The following CHRM3 variants were observed in gnomAD, a reference collection of about 807,000 sequenced individuals.
CHRM3 encodes the protein muscarinic acetylcholine receptor M3.
CHRM3 carries 11 observed loss-of-function variants against 41.8 expected under a neutral mutation model. The ratio of observed to expected loss-of-function variants is 0.26; its 90% CI spans 0.17 to 0.44. CHRM3 has a LOEUF of 0.44. CHRM3 is among the 20% of genes least tolerant of loss of function. CHRM3 has a pLI of 1.00. For synonymous variants in CHRM3, 297 were observed against 301.4 expected (o/e 0.99, Z 0.15); for missense variants, 571 against 745.4 (o/e 0.77, Z 2.72).
intron 2 of CHRM3, among the ~76,000 whole-genome samples, chr1:239,496,938 G>A (rs576127094): frequency 6.6e-6 from 1 of 152,162 alleles, no homozygotes; most frequent in African/African-American, 2.4e-5. Context: ...TATGCTTATA[G>A]TAAGAAGTAT....
intron 6 of CHRM3, among the ~76,000 whole-genome samples, chr1:239,841,219 G>T (rs1673768482): frequency 6.6e-6 from 1 of 152,130 alleles, no homozygotes; most frequent in Admixed American, 6.5e-5. Flanking sequence ...TTTTTCTCTT[G>T]ATATCAGTCT....
chr1:239,799,469 C>T (rs905471027), intron 5 of CHRM3, among the ~76,000 whole-genome samples: 16 of 152,110 alleles, frequency 1.1e-4, no homozygotes, highest in Non-Finnish European at 2.2e-4. Flanking sequence ...TCAGAGGAAC[C>T]AGGAAGCCCG....
At chr1:239,470,371 A>G (rs1185654644) in intron 1 of CHRM3, among the ~76,000 whole-genome samples, 1 of 152,108 alleles carries the variant, frequency 6.6e-6, no homozygotes, top group African/African-American at 2.4e-5. Context: ...CTGGGAAAGG[A>G]TACATTTCTG....
chr1:239,586,042 C>A (rs540363547), intron 3 of CHRM3, among the ~76,000 whole-genome samples: 1 of 152,250 alleles, frequency 6.6e-6, no homozygotes, highest in East Asian at 1.9e-4. Flanking sequence ...GGAAATCCAT[C>A]CACTTTCTAC....
chr1:239,695,766 T>A (rs12128113), intron 5 of CHRM3, among the ~76,000 whole-genome samples: 2,492 of 152,048 alleles, frequency 0.016, 23 homozygotes, highest in Non-Finnish European at 0.024. Context: ...GAAAAAAAAA[T>A]TTTCATTAGT....
chr1:239,510,139 G>A (rs1019906488), intron 2 of CHRM3, among the ~76,000 whole-genome samples: 1 of 152,170 alleles, frequency 6.6e-6, no homozygotes, highest in Non-Finnish European at 1.5e-5. Context: ...CCTTACCTTT[G>A]TGTAATAATT....
intron 1 of CHRM3, among the ~76,000 whole-genome samples, chr1:239,449,425 A>G (rs954022974): frequency 2.6e-5 from 4 of 152,180 alleles, no homozygotes; most frequent in African/African-American, 9.6e-5. Context: ...TCCAACACAC[A>G]TTAAACTTGC....
At chr1:239,662,893 C>CTCCTCTTCTTCA (rs377732277) in intron 4 of CHRM3, among the ~76,000 whole-genome samples, 1 of 46,352 alleles carries the variant, frequency 2.2e-5, no homozygotes. Flanking sequence ...CTTCCTCCTC[C>CTCCTCTTCTTCA]TCTTCTTCTT....
chr1:239,420,159 A>C (rs892570044), intron 1 of CHRM3, among the ~76,000 whole-genome samples: 4 of 152,094 alleles, frequency 2.6e-5, no homozygotes, highest in African/African-American at 9.7e-5. Flanking sequence ...ATTGAACCCC[A>C]TCTGGTTTAG....
chr1:239,774,083 T>G (rs2148748092), intron 5 of CHRM3, among the ~76,000 whole-genome samples: 1 of 152,278 alleles, frequency 6.6e-6, no homozygotes, highest in African/African-American at 2.4e-5. Context: ...GTCTCATGGG[T>G]TTATTGGGAG....
chr1:239,463,022 A>G (rs1026804512), intron 1 of CHRM3, among the ~76,000 whole-genome samples: 2 of 152,244 alleles, frequency 1.3e-5, no homozygotes, highest in African/African-American at 4.8e-5. Flanking sequence ...GCTAAAATGC[A>G]TGGCTACATT....
Position 239,702,539 on chromosome 1 carries a change from A to G in CHRM3, c.-147+24251A>G, listed in dbSNP as rs575644125. 2.0e-5 allele frequency among the ~76,000 whole-genome samples: 3 copies of G among 152,364 alleles called. No individual in the cohort carries two copies. In the East Asian group the frequency reaches 5.8e-4, roughly 29 times the overall value. On this transcript the variant is annotated intron_variant, in intron 5 of 6. Transcript: ENST00000676153. The stretch of plus-strand genomic sequence containing the variant: ...AAACTTTAGTATTATAATAGCTTGC[A>G]GAAAGTTTCTGTCTGGCATATTAAC...
intron 3 of CHRM3, among the ~76,000 whole-genome samples, chr1:239,606,785 C>A (rs997365900): frequency 6.6e-6 from 1 of 152,142 alleles, no homozygotes; most frequent in African/African-American, 2.4e-5. Flanking sequence ...TGATTTGTAA[C>A]TTTAATGACT....
chr1:239,874,293 A>ATATATATATCTATATACACAG (rs1676874344), intron 6 of CHRM3, among the ~76,000 whole-genome samples: 1 of 67,078 alleles, frequency 1.5e-5, no homozygotes, highest in East Asian at 4.0e-4. Context: ...CAGTATATAT[A>ATATATATATCTATATACACAG]TATATATATA....
rs111499299 is a variant in CHRM3, at chr1:239,710,776, G to A, written c.-147+32488G>A. ...AAAGAAAATAAGTATAGGCTTTAAG[G>A]CCTTAATAAATATGGCTTTAGAGTG... On this transcript the variant is annotated intron_variant, in intron 5 of 6. Transcript: ENST00000676153. Among the ~76,000 whole-genome samples, 114 of 151,268 alleles carry A rather than the reference G, an allele frequency of 7.5e-4. 1 individual carries two copies. Among genetic ancestry groups the A allele is most frequent in the African/African-American group, 2.7e-3 (111 of 41,244 alleles).
chr1:239,551,057 A>G (rs1426738337), intron 3 of CHRM3, among the ~76,000 whole-genome samples: 1 of 150,792 alleles, frequency 6.6e-6, no homozygotes, highest in Non-Finnish European at 1.5e-5. Flanking sequence ...ATGCTATATA[A>G]TTTATATATA....
At chr1:239,399,352 G>A (rs992531436) in intron 1 of CHRM3, among the ~76,000 whole-genome samples, 1 of 85,594 alleles carries the variant, frequency 1.2e-5, no homozygotes, top group African/African-American at 4.7e-5. Flanking sequence ...TTTTTTTTTT[G>A]CTGTGAGAAT....
chr1:239,670,904 T>G (rs1434114451), intron 4 of CHRM3, among the ~76,000 whole-genome samples: 1 of 152,160 alleles, frequency 6.6e-6, no homozygotes. Flanking sequence ...TTCTCTTTGG[T>G]GAATAAGTAG....
At chr1:239,901,605 G>C (rs528562418) in intron 6 of CHRM3, among the ~76,000 whole-genome samples, 1 of 151,896 alleles carries the variant, frequency 6.6e-6, no homozygotes, top group South Asian at 2.1e-4. Flanking sequence ...AAATTTTATC[G>C]TGTTGTATTT....
Sources: allele counts gnomAD v4.1 joint callset (sites outside exome capture counted in the v4.1 genomes callset), GRCh38; gene constraint gnomAD v4.1.1; transcripts MANE v1.5; gene names NCBI Gene and HGNC (gene_info 2026-07-23, HGNC 2026-07-21).